LDLRAD4: variants seen among roughly 807,000 people sequenced by gnomAD.
LDLRAD4 encodes low-density lipoprotein receptor class A domain-containing protein 4.
In LDLRAD4, 5 loss-of-function variants were observed where a neutral mutation model predicts 17.0. The observed-to-expected ratio is 0.29, with a 90% CI of 0.15 to 0.62. LDLRAD4 has a LOEUF of 0.62. Ranked by LOEUF, LDLRAD4 falls within the 20% of genes least tolerant of loss-of-function variation. The pLI is 0.84. For missense variants in LDLRAD4, 340 were observed against 424.7 expected (o/e 0.80, Z 1.75); for synonymous variants, 168 against 171.8 (o/e 0.98, Z 0.17).
Position 13,473,642 on chromosome 18 carries a change from T to TC in LDLRAD4, c.181+35258_181+35259insC, listed in dbSNP as rs1238692534. The stretch of plus-strand genomic sequence containing the variant: ...GCACAGTAAGATCCCATCTCATATA[T>TC]ATATATATATATATATATATATATA... On this transcript the variant is annotated intron_variant, in intron 3 of 5. Transcript: ENST00000359446. Among the ~76,000 whole-genome samples, 289 of 52,332 alleles carry TC rather than the reference T, an allele frequency of 5.5e-3. 2 individuals are homozygous for TC. The highest frequency in any genetic ancestry group is 0.017 in the African/African-American group (273 of 16,200). The allele number at this position is 52,332 out of a possible 152,430, so 34.3% of individuals were successfully genotyped here.
intron 3 of LDLRAD4, among the ~76,000 whole-genome samples, chr18:13,537,094 T>C (rs1474587970): frequency 2.0e-5 from 3 of 152,272 alleles, no homozygotes; most frequent in Non-Finnish European, 2.9e-5. Flanking sequence ...CTCTTTCTTA[T>C]GATATGTTTA....
At chr18:13,546,526 G>C (rs1255614820) in intron 3 of LDLRAD4, among the ~76,000 whole-genome samples, 1 of 151,914 alleles carries the variant, frequency 6.6e-6, no homozygotes, top group Non-Finnish European at 1.5e-5. Flanking sequence ...GCACCACCAT[G>C]CCTGGCTAAT....
intron 1 of LDLRAD4, among the ~76,000 whole-genome samples, chr18:13,292,235 A>G (rs745421457): frequency 2.0e-5 from 3 of 152,174 alleles, no homozygotes; most frequent in Non-Finnish European, 2.9e-5. Context: ...CGTGGCAAAC[A>G]GCAGCACTGG....
chr18:13,343,690 A>G (rs892380830), intron 1 of LDLRAD4, among the ~76,000 whole-genome samples: 11 of 152,266 alleles, frequency 7.2e-5, no homozygotes, highest in South Asian at 6.2e-4. Context: ...CTAGTTTACA[A>G]TCCCACCAAC....
At chr18:13,272,881 A>G (rs759193084) in intron 1 of LDLRAD4, among the ~76,000 whole-genome samples, 2 of 152,194 alleles carry the variant, frequency 1.3e-5, no homozygotes, top group Non-Finnish European at 2.9e-5. Flanking sequence ...CTGGCCGATG[A>G]GGCCCTAGGA....
intron 1 of LDLRAD4, among the ~76,000 whole-genome samples, chr18:13,355,453 C>T (rs1470940507): frequency 2.0e-5 from 3 of 152,212 alleles, no homozygotes; most frequent in African/African-American, 7.2e-5. Context: ...ATGAGGGAGT[C>T]AGTGGCTCAT....
At chr18:13,642,347 C>A in intron 4 of LDLRAD4, 1 of 1,007,676 alleles carries the variant, frequency 9.9e-7, no homozygotes, top group Non-Finnish European at 1.2e-6. Context: ...CCGACAGCCC[C>A]GCGGACCCTG....
intron 3 of LDLRAD4, among the ~76,000 whole-genome samples, chr18:13,481,585 A>C (rs1472347006): frequency 2.6e-5 from 4 of 151,788 alleles, no homozygotes; most frequent in Non-Finnish European, 5.9e-5. Flanking sequence ...CCTGTCCCCC[A>C]GTCTCCACCC....
intron 3 of LDLRAD4, among the ~76,000 whole-genome samples, chr18:13,608,682 T>G (rs958807933): frequency 1.3e-5 from 2 of 152,172 alleles, no homozygotes; most frequent in African/African-American, 2.4e-5. Flanking sequence ...TCTCAACTGG[T>G]AGCCGATCCT....
At chr18:13,540,160 C>T (rs1257902786) in intron 3 of LDLRAD4, among the ~76,000 whole-genome samples, 3 of 152,196 alleles carry the variant, frequency 2.0e-5, no homozygotes, top group African/African-American at 7.2e-5. Flanking sequence ...TGTTTTCATG[C>T]CAAATCTTCC....
At chr18:13,364,999 C>T (rs1167269309) in intron 1 of LDLRAD4, among the ~76,000 whole-genome samples, 1 of 152,164 alleles carries the variant, frequency 6.6e-6, no homozygotes, top group Non-Finnish European at 1.5e-5. Flanking sequence ...AGCTAGTGAG[C>T]GATGCAGGTG....
At chr18:13,245,352 T>C (rs1290128224) in intron 1 of LDLRAD4, among the ~76,000 whole-genome samples, 1 of 152,080 alleles carries the variant, frequency 6.6e-6, no homozygotes, top group Non-Finnish European at 1.5e-5. Context: ...TCAGGTGATA[T>C]CAATTTTGGA....
chr18:13,367,367 A>T lies in LDLRAD4; in HGVS notation c.-382-19974A>T. ...GGGAGATGAGGTCCCGCTGTGCAGA[A>T]CACACGGGGACTGGCAGGCAGGAAA... On this transcript the variant is annotated intron_variant, in intron 1 of 5. Transcript: ENST00000359446. The surrounding 1 kb of genome is among the most constrained non-coding windows in gnomAD (Gnocchi z 4.1). Among the ~76,000 whole-genome samples the T allele has an allele frequency of 6.6e-6, 1 of 152,176 alleles. No homozygotes were observed. The highest frequency in any genetic ancestry group is 1.5e-5 in the Non-Finnish European group (1 of 68,020).
Position 13,450,633 on chromosome 18 carries a change from C to T in LDLRAD4, c.181+12249C>T, listed in dbSNP as rs144082499. On this transcript the variant is annotated intron_variant, in intron 3 of 5. Transcript: ENST00000359446. ...ATGGGAGGGTGCAGTGTGTGTGAGA[C>T]GGAGGCTTTGCCTCCCAGCTTTGTT... is the stretch of plus-strand genomic sequence containing the variant. 8.3e-3 allele frequency among the ~76,000 whole-genome samples: 1,261 copies of T among 152,282 alleles called. 22 individuals are homozygous for T. Among genetic ancestry groups the T allele is most frequent in the African/African-American group, 0.029 (1,200 of 41,542 alleles).
In LDLRAD4 at chr18:13,459,018, A is replaced by C. The variant is rs181095252; in HGVS notation, c.181+20634A>C. On this transcript the variant is annotated intron_variant, in intron 3 of 5. Transcript: ENST00000359446. ...CAACCTGTAGAACTGTAAAGTAACA[A>C]ATTTGTGTTTTAAGGCCAGGTGTGG... Among the ~76,000 whole-genome samples, 44 of 152,266 alleles carry C rather than the reference A, an allele frequency of 2.9e-4. No individual in the cohort carries two copies. In the East Asian group the frequency reaches 7.7e-3, roughly 27 times the overall value.
At chr18:13,571,609 G>A (rs969775674) in intron 3 of LDLRAD4, among the ~76,000 whole-genome samples, 1 of 152,110 alleles carries the variant, frequency 6.6e-6, no homozygotes, top group African/African-American at 2.4e-5. Context: ...TCTGAAAAAT[G>A]ATATAGAGCA....
At chr18:13,301,198 G>A (rs2046579128) in intron 1 of LDLRAD4, among the ~76,000 whole-genome samples, 1 of 152,158 alleles carries the variant, frequency 6.6e-6, no homozygotes, top group Admixed American at 6.5e-5. Context: ...TGCTGGAGAC[G>A]CCAGTGGTCC....
intron 1 of LDLRAD4, among the ~76,000 whole-genome samples, chr18:13,384,781 C>T (rs2085665009): frequency 1.3e-5 from 2 of 152,172 alleles, no homozygotes; most frequent in African/African-American, 4.8e-5. Flanking sequence ...ATAATGTCCT[C>T]CCGTTTCATC....
At chr18:13,623,413 C>T (rs1384305699) in intron 4 of LDLRAD4, among the ~76,000 whole-genome samples, 1 of 152,250 alleles carries the variant, frequency 6.6e-6, no homozygotes, top group Non-Finnish European at 1.5e-5. Flanking sequence ...GAGCTCCGTT[C>T]TGGAGCTGAG....
Sources: gnomAD v4.1 joint callset for allele counts (sites outside exome capture counted in the v4.1 genomes callset) on GRCh38, gnomAD v4.1.1 for gene constraint, Gnocchi (gnomAD v3.1) non-coding constraint, MANE v1.5 for transcripts, NCBI Gene and HGNC (gene_info 2026-07-23, HGNC 2026-07-21) for gene names.